Variants in CCNB2 observed in about 807,000 individuals in gnomAD.
CCNB2 encodes the protein cyclin B2, also known as G2/mitotic-specific cyclin-B2.
In CCNB2, 39 loss-of-function variants were observed where a neutral mutation model predicts 51.1. That is an observed-to-expected ratio of 0.76 (90% CI 0.59 to 1.00). The LOEUF is 1.00. CCNB2 is among the 50% of genes least tolerant of loss of function. CCNB2 has a pLI of 0.00. For synonymous variants in CCNB2, 174 were observed against 165.5 expected, an observed-to-expected ratio of 1.05 and a Z score of -0.40; for missense variants, 472 against 470.3, an observed-to-expected ratio of 1.00 and a Z score of -0.03.
Position 59,107,317 on chromosome 15 carries a change from T to C in CCNB2, c.25-5T>C. ...GGTTTCATTACTTTTTTTTTTTTTT[T>C]TCAGGTGTCCAGTGATTTGGAGAAT... On this transcript the variant is annotated splice_polypyrimidine_tract_variant and splice_region_variant and intron_variant, in intron 1 of 8. Transcript: ENST00000288207. 7 of 1,569,978 alleles carry C rather than the reference T, an allele frequency of 4.5e-6. No individual in the cohort carries two copies. Among genetic ancestry groups the C allele is most frequent in the Non-Finnish European group, 6.0e-6 (7 of 1,163,270 alleles).
intron 5 of CCNB2, 39 bp from the exon 6 acceptor site, chr15:59,116,651 T>C: frequency 7.2e-7 from 1 of 1,395,140 alleles, no homozygotes; most frequent in Non-Finnish European, 1.0e-6. Flanking sequence ...TTCACTCTTC[T>C]TGTTAGGTGT....
At chr15:59,123,473 C>T (rs765198296) in intron 7 of CCNB2, 44 bp from the exon 8 acceptor site, 6 of 1,147,230 alleles carry the variant, frequency 5.2e-6, no homozygotes, top group South Asian at 1.2e-5. Flanking sequence ...GAGGTTTTCT[C>T]TTGCCCCTCA....
chr15:59,110,049 A>G (rs1566955708), intron 3 of CCNB2, among the ~76,000 whole-genome samples: 1 of 152,170 alleles, frequency 6.6e-6, no homozygotes, highest in South Asian at 2.1e-4. Flanking sequence ...ATGGGTACAT[A>G]TTACTGTTCA....
intron 5 of CCNB2, chr15:59,115,706 A>G (rs1189891245): frequency 5.3e-5 from 8 of 152,182 alleles, no homozygotes; most frequent in Admixed American, 5.2e-4. Flanking sequence ...AGGAAAGCAC[A>G]ACAGTATTTT....
intron 3 of CCNB2, among the ~76,000 whole-genome samples, chr15:59,113,574 C>T (rs1488015797): frequency 2.6e-5 from 4 of 151,996 alleles, no homozygotes; most frequent in African/African-American, 9.7e-5. Flanking sequence ...CACATATAAA[C>T]TATAGAATTT....
intron 5 of CCNB2, among the ~76,000 whole-genome samples, chr15:59,115,313 A>G (rs1255861504): frequency 6.6e-6 from 1 of 152,156 alleles, no homozygotes; most frequent in African/African-American, 2.4e-5. Flanking sequence ...CCAGCCAACT[A>G]TGTCATTGAA....
At chr15:59,106,331 A>AT in intron 1 of CCNB2, among the ~76,000 whole-genome samples, 1 of 152,294 alleles carries the variant, frequency 6.6e-6, no homozygotes, top group South Asian at 2.1e-4. Context: ...CTGACAAGTA[A>AT]TTTTTTATAA....
At chr15:59,108,840 TTA>T (rs2079246238) in intron 3 of CCNB2, among the ~76,000 whole-genome samples, 1 of 152,206 alleles carries the variant, frequency 6.6e-6, no homozygotes, top group Non-Finnish European at 1.5e-5. Context: ...TCTTTGCTCT[TTA>T]TGAGAACTAA....
chr15:59,122,399 ATTTT>A (rs1466688365), intron 7 of CCNB2, among the ~76,000 whole-genome samples: 1 of 150,852 alleles, frequency 6.6e-6, no homozygotes, highest in Non-Finnish European at 1.5e-5. Flanking sequence ...GAATTTATGT[ATTTT>A]TAGTAGAGAT....
Position 59,124,773 on chromosome 15 carries a change from A to C in CCNB2, c.1093A>C (p.Lys365Gln). 6.2e-7 allele frequency: 1 copy of C among 1,613,392 alleles called. No individual in the cohort carries two copies. Among genetic ancestry groups the C allele is most frequent in the Middle Eastern group, 1.7e-4 (1 of 6,060 alleles). The change falls in exon 9 of 9, where the codon AAG becomes CAG. Residue 365 changes from lysine (K) to glutamine (Q), a missense_variant. Coordinates refer to ENST00000288207, the MANE Select transcript of CCNB2 (RefSeq NM_004701.4). ...NENLTKFIAI[K>Q]NKYASSKLLK... ...TCACAAATGACTTCTGCAGGCCATC[A>C]AGAATAAGTATGCAAGCAGCAAACT...
intron 7 of CCNB2, among the ~76,000 whole-genome samples, chr15:59,122,144 G>A (rs73418895): frequency 0.011 from 1,570 of 149,378 alleles, 32 homozygotes; most frequent in African/African-American, 0.037. Flanking sequence ...ATTAAATTGT[G>A]GTTTATTTTG....
At chr15:59,115,954 A>G (rs936300470) in intron 5 of CCNB2, 6 of 152,114 alleles carry the variant, frequency 3.9e-5, no homozygotes, top group Admixed American at 2.0e-4. Flanking sequence ...CTGGTCTCGA[A>G]CTCCTTAGCT....
chr15:59,107,091 A>C (rs1177167250), intron 1 of CCNB2, among the ~76,000 whole-genome samples: 1 of 152,194 alleles, frequency 6.6e-6, no homozygotes, highest in African/African-American at 2.4e-5. Context: ...TTGCAAGGTT[A>C]GTGGGAGGAT....
chr15:59,124,794 A>G lies in CCNB2; in HGVS notation c.1114A>G (p.Lys372Glu). The G allele has an allele frequency of 6.2e-7, 1 of 1,613,948 alleles. No individual in the cohort carries two copies. Among genetic ancestry groups the G allele is most frequent in the Non-Finnish European group, 8.5e-7 (1 of 1,179,900 alleles). Residue 372 changes from lysine (K) to glutamate (E), a missense_variant, in exon 9 of 9, where the codon AAA becomes GAA. By Grantham distance (56) the Lys-to-Glu change is moderately conservative (BLOSUM62 1). Coordinates refer to ENST00000288207, the MANE Select transcript of CCNB2 (RefSeq NM_004701.4). ...IAIKNKYASSKLLKISMIPQL... is the reference protein window; with the variant it reads ...IAIKNKYASSELLKISMIPQL... ...CATCAAGAATAAGTATGCAAGCAGC[A>G]AACTCCTGAAGATCAGCATGATCCC...
At chr15:59,123,706 T>C (rs1412714063) in intron 8 of CCNB2, 79 bp downstream of exon 8, 1 of 713,638 alleles carries the variant, frequency 1.4e-6, no homozygotes. Context: ...GGGGGGGCGG[T>C]GTGTGCCGTC....
At chr15:59,115,661 A>C (rs1340795028) in intron 5 of CCNB2, 1 of 152,244 alleles carries the variant, frequency 6.6e-6, no homozygotes, top group Non-Finnish European at 1.5e-5. Flanking sequence ...CTGAGATACT[A>C]CAAAATCCCA....
At chr15:59,108,980 G>A (rs1234891703) in intron 3 of CCNB2, among the ~76,000 whole-genome samples, 1 of 152,184 alleles carries the variant, frequency 6.6e-6, no homozygotes, top group Non-Finnish European at 1.5e-5. Flanking sequence ...TAGCAGTTGT[G>A]CAGTGTTTTA....
chr15:59,122,557 T>C (rs1428861167), intron 7 of CCNB2, among the ~76,000 whole-genome samples: 2 of 150,600 alleles, frequency 1.3e-5, no homozygotes, highest in East Asian at 1.9e-4. Flanking sequence ...CTTTTTTTTT[T>C]GAGACAGGGT....
chr15:59,114,976 C>CA, intron 5 of CCNB2, 100 bp downstream of exon 5: 1 of 1,242,726 alleles, frequency 8.0e-7, no homozygotes, highest in Non-Finnish European at 1.1e-6. Flanking sequence ...AAAAAAAGAC[C>CA]AAAAATCAAA....
Sources: allele counts gnomAD v4.1 joint callset (sites outside exome capture counted in the v4.1 genomes callset), GRCh38; gene constraint gnomAD v4.1.1; transcripts MANE v1.5; gene names NCBI Gene and HGNC (gene_info 2026-07-23, HGNC 2026-07-21).